The following BAHCC1 variants were observed in gnomAD, a reference collection of about 807,000 sequenced individuals.
BAHCC1 encodes the protein BAH domain and coiled-coil containing 1, also known as BAH and coiled-coil domain-containing protein 1.
In BAHCC1, 43 loss-of-function variants were observed where a neutral mutation model predicts 88.2. That is an observed-to-expected ratio of 0.49 (90% CI 0.38 to 0.63). The LOEUF is 0.63. Ranked by LOEUF, BAHCC1 falls within the 20% of genes least tolerant of loss-of-function variation. The probability of loss-of-function intolerance (pLI) is 0.00; values close to 1 mark genes in which losing one functional copy is unlikely to be tolerated. For missense variants in BAHCC1, 3,023 were observed against 1,654.8 expected (o/e 1.83, Z -14.34); for synonymous variants, 1,510 against 745.5 (o/e 2.03, Z -16.71).
Position 81,447,247 on chromosome 17 carries a change from G to A in BAHCC1, c.3375G>A (p.Glu1125=), listed in dbSNP as rs782497561. 12 of 718,228 alleles carry A rather than the reference G, an allele frequency of 1.7e-5. No homozygotes were observed. The South Asian group carries it at 1.7e-4, about 10-fold the overall frequency. 44.5% of individuals were successfully genotyped at this position (718,228 alleles called of 1,614,324 possible). ...EEPGLLSGAR[E]ATQDLAATPY... ...CCGGGCTGCTCTCAGGGGCCAGGGA[G>A]GCCACCCAGGACCTTGCCGCCACCC... The change falls in exon 11 of 28, where the codon GAG becomes GAA. Residue 1125 remains glutamate, a synonymous_variant. Coordinates refer to ENST00000675386, the MANE Select transcript of BAHCC1 (RefSeq NM_001377448.1).
chr17:81,396,434 G>C (rs1317787863), intron 1 of BAHCC1: 1 of 152,102 alleles, frequency 6.6e-6, no homozygotes, highest in African/African-American at 2.4e-5. Flanking sequence ...CTTCGGGCGC[G>C]GGGGTCAGGC....
rs1356997780 is a variant in BAHCC1 at position 81,399,834 on chromosome 17, C to T, written c.95C>T (p.Pro32Leu). 2.2e-6 allele frequency: 3 copies of T among 1,350,220 alleles called. No homozygotes were observed. The highest frequency in any genetic ancestry group is 6.2e-5 in the East Asian group (2 of 32,038). The allele number at this position is 1,350,220 out of a possible 1,614,324, so 83.6% of individuals were successfully genotyped here. The change falls in exon 2 of 28, where the codon CCG becomes CTG. Residue 32 changes from proline (P) to leucine (L), a missense_variant. By Grantham distance (98) the Pro-to-Leu change is moderately conservative. Transcript: ENST00000675386. This position sits in a 1 kb window ranked among gnomAD's most constrained non-coding sequence, Gnocchi z 4.5. ...RSAAAAARLA[P>L]AGPAAQPPAH... is the part of the protein sequence containing the mutation. ...GCCGCTGCCGCCGCGCGTCTCGCCC[C>T]GGCTGGGCCCGCCGCGCAGCCCCCC...
rs375986975 is a variant in BAHCC1 at position 81,461,185 on chromosome 17, G to A, written c.6522G>A (p.Pro2174=). 7.2e-5 allele frequency: 54 copies of A among 745,100 alleles called. No individual in the cohort carries two copies. Among genetic ancestry groups the A allele is most frequent in the African/African-American group, 4.8e-4 (28 of 58,568 alleles). 46.2% of individuals were successfully genotyped at this position (745,100 alleles called of 1,614,324 possible). A position where few individuals can be genotyped will look rare whatever the true frequency, so the allele number is the denominator to read the frequency against. ...CGCCCTTCGTCGGGGGGACCGGGCC[G>A]GGCCTCCCCAGGGGAGCCCACAAGC... is the stretch of plus-strand genomic sequence containing the variant. ...SYAPFVGGTG[P]GLPRGAHKLL... Residue 2174 remains proline, a synonymous_variant, in exon 26 of 28, where the codon CCG becomes CCA. Transcript: ENST00000675386.
chr17:81,454,447 C>A (rs1387483345), intron 14 of BAHCC1, among the ~76,000 whole-genome samples: 1 of 152,168 alleles, frequency 6.6e-6, no homozygotes, highest in Non-Finnish European at 1.5e-5. Flanking sequence ...TTAAGACCCG[C>A]GTGGAGGACA....
intron 2 of BAHCC1, among the ~76,000 whole-genome samples, chr17:81,404,286 G>C (rs1294989908): frequency 1.3e-5 from 2 of 152,230 alleles, no homozygotes; most frequent in Non-Finnish European, 2.9e-5. Flanking sequence ...TTATACAAGA[G>C]CCATTCATGG....
Position 81,411,143 on chromosome 17 carries a change from G to T in BAHCC1, c.178+11226G>T. On this transcript the variant is annotated intron_variant, in intron 2 of 27. Transcript: ENST00000675386. This position sits in a 1 kb window ranked among gnomAD's most constrained non-coding sequence, Gnocchi z 6.2. Reference sequence around the variant, plus strand: ...TCCTCTGCGTGAGTCCATTCATCACGTGCCTGCAGGTGCCTGTGTCCTGTC... The same window carrying T: ...TCCTCTGCGTGAGTCCATTCATCACTTGCCTGCAGGTGCCTGTGTCCTGTC... 1.9e-6 allele frequency: 1 copy of T among 519,202 alleles called. No homozygotes were observed. Among genetic ancestry groups the T allele is most frequent in the South Asian group, 1.4e-5 (1 of 71,566 alleles). The allele number at this position is 519,202 out of a possible 1,614,324, so 32.2% of individuals were successfully genotyped here. A position where few individuals can be genotyped will look rare whatever the true frequency, so the allele number is the denominator to read the frequency against.
chr17:81,433,698 T>G (rs192246672), intron 3 of BAHCC1, among the ~76,000 whole-genome samples: 12 of 150,532 alleles, frequency 8.0e-5, no homozygotes, highest in Non-Finnish European at 1.5e-4. Context: ...GCAGGTGTCA[T>G]CAGTCCACCG....
At chr17:81,397,620 C>T (rs2063759836) in intron 1 of BAHCC1, among the ~76,000 whole-genome samples, 1 of 152,044 alleles carries the variant, frequency 6.6e-6, no homozygotes, top group Non-Finnish European at 1.5e-5. Flanking sequence ...TGGGGGCCCC[C>T]ACGTCCCTAG....
At chr17:81,415,682 G>T (rs183462973) in intron 2 of BAHCC1, 2 of 408,930 alleles carry the variant, frequency 4.9e-6, no homozygotes, top group Non-Finnish European at 9.7e-6. Flanking sequence ...GAGTCCCCTC[G>T]GTGGGAGGTG....
rs375713149 is a variant in BAHCC1 at position 81,447,095 on chromosome 17, G to C, written c.3223G>C (p.Val1075Leu). 1 of 779,302 alleles carries C rather than the reference G, an allele frequency of 1.3e-6. No homozygotes were observed. The highest frequency in any genetic ancestry group is 1.3e-5 in the South Asian group (1 of 74,618). 48.3% of individuals were successfully genotyped at this position (779,302 alleles called of 1,614,324 possible). The change falls in exon 11 of 28, where the codon GTG (valine) becomes CTG (leucine). Residue 1075 changes from valine (V) to leucine (L), a missense_variant. Physicochemically the swap from Val to Leu is conservative, Grantham distance 32. Transcript: ENST00000675386. ...AGLGFSLPSD[V>L]HSSNLEDPET... ...CCTGGGCTTCTCCCTACCCTCAGAC[G>C]TGCACTCTTCTAACCTCGAGGACCC...
rs1236697279 is a variant in BAHCC1, at chr17:81,461,725, G to A, written c.7062G>A (p.Pro2354=). Residue 2354 remains proline (P), a synonymous_variant, in exon 26 of 28, where the codon CCG becomes CCA. Coordinates refer to ENST00000675386, the MANE Select transcript of BAHCC1 (RefSeq NM_001377448.1). The part of the protein sequence containing the change: ...DSSYSSDDED[P]ALLLQTCLTH... ...CCTACAGCTCAGACGACGAGGACCCGGCTCTGCTGCTGCAGACCTGCCTCA... is the reference window on the plus strand; with the variant it reads ...CCTACAGCTCAGACGACGAGGACCCAGCTCTGCTGCTGCAGACCTGCCTCA... The A allele has an allele frequency of 5.6e-6, 4 of 718,402 alleles. No homozygotes were observed. Among genetic ancestry groups the A allele is most frequent in the East Asian group, 2.7e-5 (1 of 37,420 alleles). 44.5% of individuals were successfully genotyped at this position (718,402 alleles called of 1,614,324 possible).
intron 15 of BAHCC1, 44 bp from the exon 16 acceptor site, chr17:81,456,253 G>A: frequency 2.9e-6 from 2 of 692,230 alleles, no homozygotes; most frequent in Non-Finnish European, 5.3e-6. Context: ...GCTGTGGTTT[G>A]CAGAGGGCGC....
chr17:81,413,132 C>G (rs1555648089), intron 2 of BAHCC1: 2 of 446,678 alleles, frequency 4.5e-6, no homozygotes, highest in South Asian at 3.2e-5. Context: ...AGGCCCCCCA[C>G]AGCAGCCATA....
intron 2 of BAHCC1, among the ~76,000 whole-genome samples, chr17:81,408,789 G>A (rs2063912300): frequency 6.6e-6 from 1 of 152,164 alleles, no homozygotes; most frequent in Non-Finnish European, 1.5e-5. Flanking sequence ...TGGCTTGTTT[G>A]GGGCCAGTGC....
intron 10 of BAHCC1, 189 bp from the exon 11 acceptor site, chr17:81,446,847 C>A: frequency 1.5e-6 from 1 of 674,336 alleles, no homozygotes; most frequent in Non-Finnish European, 2.7e-6. Context: ...GCTACTGCAC[C>A]CAGCCAGGTT....
chr17:81,458,519 A>G (rs960793213), intron 18 of BAHCC1, 53 bp downstream of exon 18: 9 of 617,658 alleles, frequency 1.5e-5, no homozygotes, highest in Non-Finnish European at 2.4e-5. Flanking sequence ...CTGTGAGGAA[A>G]GGCCTTCCCC....
At chr17:81,452,282 G>A (rs1555656060) in intron 13 of BAHCC1, among the ~76,000 whole-genome samples, 175 bp downstream of exon 13, 1 of 152,202 alleles carries the variant, frequency 6.6e-6, no homozygotes, top group Non-Finnish European at 1.5e-5. Context: ...GGCCCAAGGA[G>A]GGAGGCATTC....
intron 4 of BAHCC1, among the ~76,000 whole-genome samples, chr17:81,438,697 G>T (rs993506451): frequency 1.3e-5 from 2 of 152,142 alleles, no homozygotes; most frequent in Admixed American, 1.3e-4. Flanking sequence ...CCAGGCGCAG[G>T]TTCAGTTCCC....
rs782445850 is a variant in BAHCC1, at chr17:81,442,168, C to T, written c.819C>T (p.Cys273=). The T allele has an allele frequency of 9.2e-6, 6 of 651,584 alleles. No homozygotes were observed. Among genetic ancestry groups the T allele is most frequent in the Non-Finnish European group, 1.7e-5 (6 of 361,346 alleles). The allele number at this position is 651,584 out of a possible 1,614,324, so 40.4% of individuals were successfully genotyped here. A position where few individuals can be genotyped will look rare whatever the true frequency, so the allele number is the denominator to read the frequency against. The change falls in exon 5 of 28, where the codon TGC becomes TGT. Residue 273 remains cysteine, a synonymous_variant. Coordinates refer to ENST00000675386, the MANE Select transcript of BAHCC1 (RefSeq NM_001377448.1). ...GCGGCCCCGCACCCCGAGGGGCCTG[C>T]GAGGGCCGCCCCAAGCACCTCACCT... ...REGGPAPRGA[C]EGRPKHLTSC...
Sources: gnomAD v4.1 joint callset for allele counts (sites outside exome capture counted in the v4.1 genomes callset) on GRCh38, gnomAD v4.1.1 for gene constraint, Gnocchi (gnomAD v3.1) non-coding constraint, MANE v1.5 for transcripts, NCBI Gene and HGNC (gene_info 2026-07-23, HGNC 2026-07-21) for gene names.